The following CPQ variants were observed in gnomAD, a reference collection of about 807,000 sequenced individuals.
The protein encoded by CPQ is carboxypeptidase Q.
In CPQ, 37 loss-of-function variants were observed where a neutral mutation model predicts 45.7. That is an observed-to-expected ratio of 0.81 (90% CI 0.62 to 1.07). CPQ has a LOEUF of 1.07. CPQ is among the 50% of genes least tolerant of loss of function. The pLI, the probability that CPQ is intolerant of heterozygous loss-of-function variation, is 0.00. For missense variants in CPQ, 537 were observed against 572.9 expected (o/e 0.94, Z 0.64); for synonymous variants, 186 against 205.8 (o/e 0.90, Z 0.82).
intron 1 of CPQ, among the ~76,000 whole-genome samples, chr8:96,758,961 G>C (rs1396307261): frequency 6.6e-6 from 1 of 152,072 alleles, no homozygotes; most frequent in Non-Finnish European, 1.5e-5. Flanking sequence ...TTAATGATGG[G>C]GATAGAAGTG....
chr8:96,737,309 GATATAT>G (rs71267276), intron 1 of CPQ, among the ~76,000 whole-genome samples: 6 of 119,318 alleles, frequency 5.0e-5, no homozygotes, highest in African/African-American at 1.6e-4. Flanking sequence ...AAACTAATAG[GATATAT>G]ATATATATAT....
chr8:96,693,372 G>T (rs1333741718), intron 1 of CPQ, among the ~76,000 whole-genome samples: 1 of 151,938 alleles, frequency 6.6e-6, no homozygotes, highest in African/African-American at 2.4e-5. Flanking sequence ...GAAGGTTATA[G>T]AACACCAAGA....
chr8:96,796,362 TGAA>T (rs1810928750), intron 2 of CPQ, among the ~76,000 whole-genome samples: 1 of 152,208 alleles, frequency 6.6e-6, no homozygotes, highest in Admixed American at 6.5e-5. Context: ...TTCTAATTGA[TGAA>T]TAATAATTCA....
At chr8:97,048,464 T>C (rs1372859034) in intron 6 of CPQ, among the ~76,000 whole-genome samples, 9 of 152,212 alleles carry the variant, frequency 5.9e-5, no homozygotes, top group Admixed American at 5.9e-4. Flanking sequence ...AATTTAACAC[T>C]GTTTTGTTTT....
chr8:97,000,838 C>T (rs568017614), intron 5 of CPQ, among the ~76,000 whole-genome samples: 1 of 152,176 alleles, frequency 6.6e-6, no homozygotes, highest in East Asian at 1.9e-4. Flanking sequence ...GCAGTATGGC[C>T]ATTTTAAAGA....
At chr8:97,033,593 T>C (rs1166238148) in intron 6 of CPQ, among the ~76,000 whole-genome samples, 5 of 152,178 alleles carry the variant, frequency 3.3e-5, no homozygotes, top group African/African-American at 1.2e-4. Context: ...TAGGAAGATA[T>C]TATTGTAATG....
At chr8:96,756,874 C>T (rs12541371) in intron 1 of CPQ, among the ~76,000 whole-genome samples, 6,423 of 152,246 alleles carry the variant, frequency 0.042, 175 homozygotes, top group Middle Eastern at 0.1. Flanking sequence ...TTTCTTAGAT[C>T]CTGTGTACTC....
intron 1 of CPQ, among the ~76,000 whole-genome samples, chr8:96,680,288 G>A (rs184057760): frequency 1.3e-5 from 2 of 152,268 alleles, no homozygotes; most frequent in Non-Finnish European, 1.5e-5. Flanking sequence ...CAACTGATAT[G>A]GTTTGGCTGT....
At chr8:97,135,577 T>C (rs1163126944) in intron 7 of CPQ, among the ~76,000 whole-genome samples, 1 of 152,188 alleles carries the variant, frequency 6.6e-6, no homozygotes, top group African/African-American at 2.4e-5. Flanking sequence ...ATTTTTAGTA[T>C]TTTAAGGATT....
chr8:96,986,340 T>TA (rs1304512184), intron 5 of CPQ, among the ~76,000 whole-genome samples: 1 of 152,226 alleles, frequency 6.6e-6, no homozygotes, highest in African/African-American at 2.4e-5. Flanking sequence ...TGTGTTCTTT[T>TA]ATGGTTTATT....
In CPQ at chr8:96,854,530, C is replaced by CAAAAAAAAAAA. The variant is rs1156706371; in HGVS notation, c.641+19369_641+19379dup. 2.3e-3 allele frequency among the ~76,000 whole-genome samples: 20 copies of CAAAAAAAAAAA among 8,696 alleles called. 2 individuals are homozygous for CAAAAAAAAAAA. Among genetic ancestry groups the CAAAAAAAAAAA allele is most frequent in the Admixed American group, 6.8e-3 (3 of 438 alleles). The allele number at this position is 8,696 out of a possible 152,430, so 5.7% of individuals were successfully genotyped here. On this transcript the variant is annotated intron_variant, in intron 3 of 7. Transcript: ENST00000220763. The stretch of plus-strand genomic sequence containing the variant: ...TGGGCGACAGAGCGAGACTCCGTCT[C>CAAAAAAAAAAA]AAAAAAAAAAAAAAAAAAAAAAAAA...
intron 3 of CPQ, among the ~76,000 whole-genome samples, chr8:96,850,966 A>G (rs556628534): frequency 6.6e-6 from 1 of 152,316 alleles, no homozygotes; most frequent in Admixed American, 6.5e-5. Context: ...TTCATATCCA[A>G]ATATTGCCCT....
intron 1 of CPQ, among the ~76,000 whole-genome samples, chr8:96,693,057 C>T (rs2130738611): frequency 6.6e-6 from 1 of 152,000 alleles, no homozygotes; most frequent in South Asian, 2.1e-4. Flanking sequence ...CTGAAGAATG[C>T]ATTAGAGTAT....
At chr8:96,693,102 A>G (rs1809324811) in intron 1 of CPQ, among the ~76,000 whole-genome samples, 1 of 152,096 alleles carries the variant, frequency 6.6e-6, no homozygotes, top group African/African-American at 2.4e-5. Flanking sequence ...AGAAGAAAGA[A>G]TTAGTGAGCT....
chr8:96,662,777 C>G (rs371608017), intron 1 of CPQ, among the ~76,000 whole-genome samples: 1 of 152,024 alleles, frequency 6.6e-6, no homozygotes, highest in Non-Finnish European at 1.5e-5. Context: ...CGCTTGAGCC[C>G]GGGAGTTCAA....
chr8:96,807,524 CG>C (rs1336616280), intron 2 of CPQ, among the ~76,000 whole-genome samples: 3 of 152,248 alleles, frequency 2.0e-5, no homozygotes, highest in Middle Eastern at 3.4e-3. Flanking sequence ...TGAGCCACCG[CG>C]CCCGGCTGAA....
At chr8:97,078,271 C>A (rs923129776) in intron 7 of CPQ, among the ~76,000 whole-genome samples, 11 of 152,110 alleles carry the variant, frequency 7.2e-5, no homozygotes, top group Non-Finnish European at 2.9e-5. Context: ...TGCCCTAGAT[C>A]TGAAATCAGC....
chr8:97,038,508 C>T (rs1302075161), intron 6 of CPQ, among the ~76,000 whole-genome samples: 1 of 152,164 alleles, frequency 6.6e-6, no homozygotes, highest in Non-Finnish European at 1.5e-5. Flanking sequence ...GGCATCATGC[C>T]TTGGGCTCAC....
intron 4 of CPQ, among the ~76,000 whole-genome samples, chr8:96,942,447 T>C (rs1302321594): frequency 1.3e-5 from 2 of 152,140 alleles, no homozygotes; most frequent in African/African-American, 2.4e-5. Context: ...TTTGTAGTTT[T>C]GGTTTCTCTG....
Sources: allele counts gnomAD v4.1 joint callset (sites outside exome capture counted in the v4.1 genomes callset), GRCh38; gene constraint gnomAD v4.1.1; transcripts MANE v1.5; gene names NCBI Gene and HGNC (gene_info 2026-07-23, HGNC 2026-07-21).